Variants in LMOD1 observed in about 807,000 individuals in gnomAD.
LMOD1 encodes leiomodin-1.
LMOD1 carries 8 observed loss-of-function variants against 36.5 expected under a neutral mutation model. That is an observed-to-expected ratio of 0.22 (90% CI 0.13 to 0.40). The LOEUF (loss-of-function observed/expected upper bound fraction) is 0.40. Ranked by LOEUF, LMOD1 falls within the 10% of genes least tolerant of loss-of-function variation. LMOD1 has a pLI of 1.00. For synonymous variants in LMOD1, 284 were observed against 288.7 expected, an observed-to-expected ratio of 0.98 and a Z score of 0.17; for missense variants, 630 against 751.1, an observed-to-expected ratio of 0.84 and a Z score of 1.88.
chr1:201,915,076 T>C (rs1681579913), intron 1 of LMOD1, among the ~76,000 whole-genome samples: 1 of 152,150 alleles, frequency 6.6e-6, no homozygotes, highest in African/African-American at 2.4e-5. Context: ...CTAAGTCGGA[T>C]TTATCTTTTA....
intron 1 of LMOD1, among the ~76,000 whole-genome samples, chr1:201,909,331 CCAT>C (rs1355477332): frequency 6.6e-6 from 1 of 152,240 alleles, no homozygotes; most frequent in Non-Finnish European, 1.5e-5. Context: ...GCCACCCCTT[CCAT>C]CCAGTGAAGA....
At chr1:201,913,893 T>G (rs1571580115) in intron 1 of LMOD1, among the ~76,000 whole-genome samples, 1 of 152,344 alleles carries the variant, frequency 6.6e-6, no homozygotes, top group Non-Finnish European at 1.5e-5. Flanking sequence ...GTATAATTTA[T>G]GTAGCTTGTT....
At chr1:201,915,207 T>C (rs2047260) in intron 1 of LMOD1, among the ~76,000 whole-genome samples, 148,688 of 152,266 alleles carry the variant, frequency 0.98, 72,717 homozygotes, top group East Asian at 1. Flanking sequence ...AGCTCTCTGA[T>C]AGCTCCTTTA....
chr1:201,928,847 C>T (rs1049084685), intron 1 of LMOD1, among the ~76,000 whole-genome samples: 21 of 151,566 alleles, frequency 1.4e-4, no homozygotes, highest in Non-Finnish European at 2.9e-5. Context: ...TCCTGAATAG[C>T]TGGGATTACA....
In LMOD1 at chr1:201,896,611, G is replaced by C. The variant is rs1207807527; in HGVS notation, c.*1761C>G. On this transcript the variant is annotated 3_prime_UTR_variant, in exon 3 of 3. Transcript: ENST00000367288. ...GCATCTAGCTAGTGCCCAGTGCCCA[G>C]CAGGCACAGGGGGGTGCAGTGGGAC... 2.2e-6 allele frequency: 1 copy of C among 456,638 alleles called. No homozygotes were observed. Among genetic ancestry groups the C allele is most frequent in the African/African-American group, 2.0e-5 (1 of 50,084 alleles). The allele number at this position is 456,638 out of a possible 1,614,324, so 28.3% of individuals were successfully genotyped here.
rs72255474 is a variant in LMOD1 at position 201,927,588 on chromosome 1, CAA to C, written c.261+18490_261+18491del. On this transcript the variant is annotated intron_variant, in intron 1 of 2. Coordinates refer to ENST00000367288, the MANE Select transcript of LMOD1 (RefSeq NM_012134.3). ...TCAAAAAACAAACAAACAAAAAAAA[CAA>C]AAAAAAAAAAAGAAGAATTTGTTAT... Among the ~76,000 whole-genome samples the C allele has an allele frequency of 9.0e-4, 124 of 137,890 alleles. 1 individual carries two copies. In the South Asian group the frequency reaches 0.022, roughly 25 times the overall value. The allele number at this position is 137,890 out of a possible 152,430, so 90.5% of individuals were successfully genotyped here.
At chr1:201,931,910 C>A (rs1164646101) in intron 1 of LMOD1, among the ~76,000 whole-genome samples, 1 of 151,366 alleles carries the variant, frequency 6.6e-6, no homozygotes, top group Non-Finnish European at 1.5e-5. Context: ...CAAAAAAAAA[C>A]AAACTAATTT....
intron 2 of LMOD1, among the ~76,000 whole-genome samples, chr1:201,898,625 A>G (rs1296242058): frequency 2.0e-5 from 3 of 152,206 alleles, no homozygotes; most frequent in African/African-American, 4.8e-5. Context: ...CTTGTCCCAG[A>G]TGATGTTGTG....
In LMOD1 at chr1:201,896,972, G is replaced by A. The variant is rs1681205428; in HGVS notation, c.*1400C>T. 5.8e-6 allele frequency: 2 copies of A among 345,110 alleles called. No individual in the cohort carries two copies. The highest frequency in any genetic ancestry group is 1.2e-5 in the Non-Finnish European group (2 of 173,206). 21.4% of individuals were successfully genotyped at this position (345,110 alleles called of 1,614,324 possible). Reference sequence around the variant, plus strand: ...CCTGGAGGCAGAGAAACCTACAAGTGACACAGACCCAAGGTGGCAGTTCCA... The same window carrying A: ...CCTGGAGGCAGAGAAACCTACAAGTAACACAGACCCAAGGTGGCAGTTCCA... On this transcript the variant is annotated 3_prime_UTR_variant, in exon 3 of 3. Coordinates refer to ENST00000367288, the MANE Select transcript of LMOD1 (RefSeq NM_012134.3).
intron 1 of LMOD1, among the ~76,000 whole-genome samples, chr1:201,921,118 C>T (rs961341076): frequency 6.6e-5 from 10 of 151,672 alleles, no homozygotes; most frequent in Admixed American, 3.3e-4. Flanking sequence ...GAATATGGAG[C>T]GGGGAGATGA....
chr1:201,913,565 C>T lies in LMOD1; in HGVS notation c.262-12814G>A, dbSNP rs1356934873. The stretch of plus-strand genomic sequence containing the variant: ...GAGGTTGCAGTGAGCTGAGATTGCA[C>T]GACTGCACTCCAGCCTGAGCGACAG... On this transcript the variant is annotated intron_variant, in intron 1 of 2. Transcript: ENST00000367288. Among the ~76,000 whole-genome samples the T allele has an allele frequency of 7.2e-5, 11 of 152,144 alleles. No homozygotes were observed. In the East Asian group the frequency reaches 1.5e-3, roughly 21 times the overall value.
intron 1 of LMOD1, among the ~76,000 whole-genome samples, chr1:201,924,829 G>C (rs1016967989): frequency 6.6e-6 from 1 of 152,122 alleles, no homozygotes; most frequent in African/African-American, 2.4e-5. Flanking sequence ...AGGCTGCAGT[G>C]AGTTATGACT....
chr1:201,929,725 A>C (rs937845313), intron 1 of LMOD1, among the ~76,000 whole-genome samples: 3 of 152,204 alleles, frequency 2.0e-5, no homozygotes, highest in African/African-American at 4.8e-5. Context: ...TCCTTCATTC[A>C]TTCAACAGGC....
chr1:201,931,194 G>T (rs1394421019), intron 1 of LMOD1, among the ~76,000 whole-genome samples: 1 of 152,214 alleles, frequency 6.6e-6, no homozygotes, highest in Non-Finnish European at 1.5e-5. Flanking sequence ...AAGTGGGTTT[G>T]GGTAATAGTC....
rs530870749 is a variant in LMOD1, at chr1:201,905,395, G to GC, written c.262-4645dup. On this transcript the variant is annotated intron_variant, in intron 1 of 2. Transcript: ENST00000367288. ...TAATGCCTTTGATAGGTTCAGATGG[G>GC]CAGAGCACAGCATTTTCTCCCTTAC... Among the ~76,000 whole-genome samples, 3 of 152,254 alleles carry GC rather than the reference G, an allele frequency of 2.0e-5. 1 individual carries two copies. The highest frequency in any genetic ancestry group is 4.4e-5 in the Non-Finnish European group (3 of 68,046).
chr1:201,938,225 G>C (rs979122360), intron 1 of LMOD1, among the ~76,000 whole-genome samples: 1 of 151,868 alleles, frequency 6.6e-6, no homozygotes, highest in South Asian at 2.1e-4. Context: ...TGCCTCCTGG[G>C]TTCAGGCAAT....
In LMOD1 at chr1:201,946,065, G is replaced by A. The variant is rs1682205548; in HGVS notation, c.261+15C>T. 1.2e-6 allele frequency: 2 copies of A among 1,610,072 alleles called. No individual in the cohort carries two copies. The highest frequency in any genetic ancestry group is 2.2e-5 in the South Asian group (2 of 90,942). On this transcript the variant is annotated intron_variant, in intron 1 of 2. Transcript: ENST00000367288. ...CCCTGTCTCCCTCCTCCCCTCCAGG[G>A]CTGTGCTCACTCACATCCATGGACA... is the stretch of plus-strand genomic sequence containing the variant.
At chr1:201,906,663 G>A (rs888279694) in intron 1 of LMOD1, among the ~76,000 whole-genome samples, 1 of 152,150 alleles carries the variant, frequency 6.6e-6, no homozygotes, top group Non-Finnish European at 1.5e-5. Flanking sequence ...GTCTCCTGCC[G>A]CATTCCATGT....
intron 1 of LMOD1, among the ~76,000 whole-genome samples, chr1:201,915,295 CT>C (rs1276232720): frequency 2.0e-5 from 3 of 152,072 alleles, no homozygotes; most frequent in East Asian, 1.9e-4. Context: ...TTGTTTTCAC[CT>C]TTAGAGCCTC....
Sources: gnomAD v4.1 joint callset for allele counts (sites outside exome capture counted in the v4.1 genomes callset) on GRCh38, gnomAD v4.1.1 for gene constraint, MANE v1.5 for transcripts, NCBI Gene and HGNC (gene_info 2026-07-23, HGNC 2026-07-21) for gene names.